Variants in FAM13C observed in about 807,000 individuals in gnomAD.
The protein encoded by FAM13C is family with sequence similarity 13 member C, also known as protein FAM13C.
In FAM13C, 37 loss-of-function variants were observed where a neutral mutation model predicts 73.2. The ratio of observed to expected loss-of-function variants is 0.51; its 90% CI spans 0.39 to 0.67. FAM13C has a LOEUF of 0.67. Among genes scored for constraint, FAM13C ranks in the 30% least tolerant of loss-of-function variants. The pLI is 0.00. For synonymous variants in FAM13C, 246 were observed against 260.9 expected, an observed-to-expected ratio of 0.94 and a Z score of 0.55; for missense variants, 589 against 715.6, an observed-to-expected ratio of 0.82 and a Z score of 2.02.
chr10:59,321,226 T>C (rs1292086237), intron 4 of FAM13C, among the ~76,000 whole-genome samples: 2 of 152,148 alleles, frequency 1.3e-5, no homozygotes, highest in East Asian at 3.9e-4. Context: ...CATGAATCCT[T>C]AAAATCAAAA....
chr10:59,250,443 G>C (rs770249420), intron 13 of FAM13C, among the ~76,000 whole-genome samples: 2 of 152,320 alleles, frequency 1.3e-5, no homozygotes, highest in Non-Finnish European at 2.9e-5. Flanking sequence ...AAGGAAGATT[G>C]TAAGTAGAAA....
At chr10:59,264,636 G>A (rs1221654925) in intron 8 of FAM13C, among the ~76,000 whole-genome samples, 1 of 152,160 alleles carries the variant, frequency 6.6e-6, no homozygotes, top group East Asian at 1.9e-4. Context: ...ACCCGTGGGA[G>A]AATACTGAAA....
chr10:59,271,058 G>A (rs1294743078), intron 6 of FAM13C, among the ~76,000 whole-genome samples: 1 of 152,118 alleles, frequency 6.6e-6, no homozygotes, highest in African/African-American at 2.4e-5. Flanking sequence ...GAGTCAGGGG[G>A]CCAGAAGAAG....
At chr10:59,312,823 T>C (rs1169968449) in intron 4 of FAM13C, among the ~76,000 whole-genome samples, 2 of 152,160 alleles carry the variant, frequency 1.3e-5, no homozygotes, top group Non-Finnish European at 2.9e-5. Context: ...TCTTTCCATG[T>C]CTTTGACTCA....
At chr10:59,298,683 T>C (rs573321695) in intron 5 of FAM13C, among the ~76,000 whole-genome samples, 10 of 152,358 alleles carry the variant, frequency 6.6e-5, no homozygotes, top group Non-Finnish European at 1.3e-4. Context: ...TATATGTCAC[T>C]GCTATTGCAC....
At chr10:59,255,115 A>T (rs1841827445) in intron 10 of FAM13C, among the ~76,000 whole-genome samples, 1 of 152,176 alleles carries the variant, frequency 6.6e-6, no homozygotes. Context: ...TCCTGATTAT[A>T]TGTAGTCACA....
At chr10:59,263,312 T>C (rs1327834173) in intron 9 of FAM13C, among the ~76,000 whole-genome samples, 1 of 152,220 alleles carries the variant, frequency 6.6e-6, no homozygotes, top group Non-Finnish European at 1.5e-5. Flanking sequence ...TATTGATTTC[T>C]CAATTACATA....
intron 4 of FAM13C, among the ~76,000 whole-genome samples, chr10:59,311,929 T>C (rs1848973992): frequency 6.6e-6 from 1 of 152,036 alleles, no homozygotes; most frequent in Admixed American, 6.6e-5. Context: ...TGTACCCAGC[T>C]CCTCCTATCT....
intron 5 of FAM13C, among the ~76,000 whole-genome samples, chr10:59,296,191 A>G (rs1255546558): frequency 6.6e-6 from 1 of 152,228 alleles, no homozygotes; most frequent in Non-Finnish European, 1.5e-5. Context: ...CAAAACAATA[A>G]GTACCATCTT....
At chr10:59,290,835 G>A (rs1479849603) in intron 5 of FAM13C, among the ~76,000 whole-genome samples, 1 of 152,188 alleles carries the variant, frequency 6.6e-6, no homozygotes, top group Non-Finnish European at 1.5e-5. Flanking sequence ...TCTGAGTTTT[G>A]TCTTTCTGGG....
intron 10 of FAM13C, among the ~76,000 whole-genome samples, chr10:59,260,739 A>G (rs1488613805): frequency 6.6e-6 from 1 of 152,170 alleles, no homozygotes; most frequent in Non-Finnish European, 1.5e-5. Context: ...TGGCTTCGAT[A>G]TCTTTTAATT....
At chr10:59,278,833 T>C (rs12357225) in intron 6 of FAM13C, among the ~76,000 whole-genome samples, 9 of 147,728 alleles carry the variant, frequency 6.1e-5, no homozygotes, top group Non-Finnish European at 6.0e-5. Flanking sequence ...CACATACACA[T>C]ACACACACAC....
intron 3 of FAM13C, among the ~76,000 whole-genome samples, chr10:59,332,178 T>C (rs1852078217): frequency 6.6e-6 from 1 of 152,124 alleles, no homozygotes. Context: ...TGCAAAATAA[T>C]GTATATATAG....
At chr10:59,308,400 AACC>A (rs1848498114) in intron 4 of FAM13C, among the ~76,000 whole-genome samples, 1 of 144,838 alleles carries the variant, frequency 6.9e-6, no homozygotes, top group Non-Finnish European at 1.5e-5. Context: ...CCATCACCAC[AACC>A]ACCACAACCA....
chr10:59,286,631 G>A (rs1354432066), intron 5 of FAM13C, among the ~76,000 whole-genome samples: 1 of 150,544 alleles, frequency 6.6e-6, no homozygotes, highest in African/African-American at 2.4e-5. Flanking sequence ...TGTTTAATGG[G>A]TACAGAGTTT....
Position 59,327,349 on chromosome 10 carries a change from G to A in FAM13C, c.325-3243C>T, listed in dbSNP as rs563736292. The stretch of plus-strand genomic sequence containing the variant: ...TATTCATAAAGTTATAAAGGAAAGA[G>A]TACAAAACAAGAATAGTAGTACTCA... On this transcript the variant is annotated intron_variant, in intron 3 of 13. Coordinates refer to ENST00000618804, the MANE Select transcript of FAM13C (RefSeq NM_198215.4). 1.5e-4 allele frequency among the ~76,000 whole-genome samples: 23 copies of A among 152,274 alleles called. 2 individuals carry two copies. In the South Asian group the frequency reaches 4.4e-3, roughly 29 times the overall value.
At chr10:59,286,516 A>AATATAT (rs1159774665) in intron 5 of FAM13C, among the ~76,000 whole-genome samples, 23,597 of 110,424 alleles carry the variant, frequency 0.21, 3,291 homozygotes, top group Middle Eastern at 0.26. Flanking sequence ...CTCCATCTCA[A>AATATAT]ATATATATAT....
chr10:59,309,096 T>A (rs755506002), intron 4 of FAM13C, among the ~76,000 whole-genome samples: 6 of 152,358 alleles, frequency 3.9e-5, no homozygotes, highest in Non-Finnish European at 7.3e-5. Flanking sequence ...AGCTTCCCCA[T>A]CTTGCCAATG....
At chr10:59,249,188 A>G (rs1406815748) in intron 13 of FAM13C, among the ~76,000 whole-genome samples, 1 of 152,144 alleles carries the variant, frequency 6.6e-6, no homozygotes, top group African/African-American at 2.4e-5. Flanking sequence ...GCGGATCACA[A>G]GGTCAGGAGA....
Sources: gnomAD v4.1 joint callset for allele counts (sites outside exome capture counted in the v4.1 genomes callset) on GRCh38, gnomAD v4.1.1 for gene constraint, MANE v1.5 for transcripts, NCBI Gene and HGNC (gene_info 2026-07-23, HGNC 2026-07-21) for gene names.